Variants in ANKDD1A observed in about 807,000 individuals in gnomAD.
ANKDD1A encodes ankyrin repeat and death domain-containing protein 1A.
A neutral mutation model predicts 63.5 loss-of-function variants in ANKDD1A; 59 were observed. The ratio of observed to expected loss-of-function variants is 0.93; its 90% CI spans 0.75 to 1.15. The LOEUF (loss-of-function observed/expected upper bound fraction) is 1.15, where lower values mean the gene tolerates loss of function less well. ANKDD1A is among the 50% of genes most tolerant of loss of function. The pLI is 0.00. For synonymous variants in ANKDD1A, 266 were observed against 263.9 expected (o/e 1.01, Z -0.08); for missense variants, 632 against 656.4 (o/e 0.96, Z 0.41).
intron 1 of ANKDD1A, among the ~76,000 whole-genome samples, chr15:64,915,024 G>A (rs1321066321): frequency 1.3e-5 from 2 of 152,230 alleles, no homozygotes; most frequent in African/African-American, 4.8e-5. Flanking sequence ...ATTGGAAGAG[G>A]CTGGGCGCTG....
chr15:64,954,433 GTCGTCTTCTCCTTCT>G (rs1430031793), intron 14 of ANKDD1A, among the ~76,000 whole-genome samples: 1 of 109,948 alleles, frequency 9.1e-6, no homozygotes, highest in African/African-American at 3.4e-5. Context: ...TCCTTCGTTC[GTCGTCTTCTCCTTCT>G]TCTTCTTCCC....
At chr15:64,936,835 C>A (rs1363326242) in intron 9 of ANKDD1A, among the ~76,000 whole-genome samples, 1 of 151,622 alleles carries the variant, frequency 6.6e-6, no homozygotes, top group African/African-American at 2.4e-5. Flanking sequence ...CAGAGTGAGA[C>A]CTTATCTCTA....
At chr15:64,931,741 G>A in intron 8 of ANKDD1A, 156 bp downstream of exon 8, 2 of 740,810 alleles carry the variant, frequency 2.7e-6, no homozygotes, top group Non-Finnish European at 4.5e-6. Context: ...GCTGAGCCCT[G>A]TGACCTGGAG....
intron 3 of ANKDD1A, 83 bp from the exon 4 acceptor site, chr15:64,921,838 G>A (rs368660115): frequency 2.5e-6 from 3 of 1,184,336 alleles, no homozygotes; most frequent in Non-Finnish European, 2.5e-6. Context: ...TGGTTGTATG[G>A]TTTAGTCATA....
At chr15:64,951,133 T>G (rs1293356186) in intron 14 of ANKDD1A, 3 of 1,150,498 alleles carry the variant, frequency 2.6e-6, no homozygotes, top group Non-Finnish European at 3.3e-6. Context: ...TCCAGGTGAT[T>G]CTACTGAAAT....
chr15:64,956,252 T>TG (rs1347780312), intron 14 of ANKDD1A, among the ~76,000 whole-genome samples: 6 of 142,242 alleles, frequency 4.2e-5, no homozygotes, highest in African/African-American at 1.5e-4. Context: ...TCTTTTTTTT[T>TG]GAAACAGTTT....
chr15:64,952,020 C>A (rs2085295125), intron 14 of ANKDD1A, among the ~76,000 whole-genome samples: 1 of 145,860 alleles, frequency 6.9e-6, no homozygotes. Context: ...CATCTTCTAT[C>A]TTCTTTTTCT....
chr15:64,917,138 G>A (rs11858629), intron 2 of ANKDD1A, among the ~76,000 whole-genome samples: 51,768 of 152,052 alleles, frequency 0.34, 9,240 homozygotes, highest in East Asian at 0.66. Context: ...TATCCTGAGA[G>A]CCATGAGAAA....
intron 4 of ANKDD1A, chr15:64,922,263 G>C (rs1595847462): frequency 2.0e-6 from 1 of 501,996 alleles, no homozygotes; most frequent in South Asian, 2.5e-5. Context: ...TCAGAGGGTA[G>C]TTAGAAAAAT....
At chr15:64,949,454 G>C (rs1015756695) in intron 13 of ANKDD1A, among the ~76,000 whole-genome samples, 1 of 152,180 alleles carries the variant, frequency 6.6e-6, no homozygotes, top group Non-Finnish European at 1.5e-5. Context: ...TATCATGCAA[G>C]ACACAGATTA....
intron 6 of ANKDD1A, 52 bp from the exon 7 acceptor site, chr15:64,930,770 G>C: frequency 6.4e-7 from 1 of 1,563,878 alleles, no homozygotes; most frequent in Non-Finnish European, 8.7e-7. Flanking sequence ...ACAGGTCTGT[G>C]ATTCTGGGAC....
intron 1 of ANKDD1A, among the ~76,000 whole-genome samples, chr15:64,913,399 T>C (rs942184147): frequency 1.3e-5 from 2 of 152,152 alleles, no homozygotes; most frequent in Non-Finnish European, 2.9e-5. Context: ...GGAGGAATAA[T>C]AGTGATGATG....
At position 64,915,781 on chromosome 15, in the gene ANKDD1A, C is replaced by A. The variant is rs1216621984; in HGVS notation, c.35-16C>A. Reference sequence around the variant, plus strand: ...GCATCCTCCCCCTCATCCTGCACCCCATTTTCTCCCCACAGTGCTTCCTCT... The same window carrying A: ...GCATCCTCCCCCTCATCCTGCACCCAATTTTCTCCCCACAGTGCTTCCTCT... On this transcript the variant is annotated splice_polypyrimidine_tract_variant and intron_variant, in intron 1 of 14. Transcript: ENST00000319580. 3 of 1,611,922 alleles carry A rather than the reference C, an allele frequency of 1.9e-6. No homozygotes were observed. The highest frequency in any genetic ancestry group is 2.5e-6 in the Non-Finnish European group (3 of 1,178,426).
intron 14 of ANKDD1A, chr15:64,951,192 T>C: frequency 9.6e-7 from 1 of 1,046,366 alleles, no homozygotes; most frequent in Non-Finnish European, 1.2e-6. Context: ...ACTGATCTTT[T>C]TCATGAGGAT....
At chr15:64,934,053 T>C (rs962447162) in intron 8 of ANKDD1A, 83 bp from the exon 9 acceptor site, 7 of 1,177,706 alleles carry the variant, frequency 5.9e-6, no homozygotes, top group African/African-American at 1.5e-5. Context: ...GACACTCAAA[T>C]GGAAAAATGA....
At chr15:64,950,454 G>A in intron 14 of ANKDD1A, 1 of 985,388 alleles carries the variant, frequency 1.0e-6, no homozygotes, top group Non-Finnish European at 1.2e-6. Flanking sequence ...GGGATTCAGT[G>A]TTCTGTGGAA....
intron 9 of ANKDD1A, among the ~76,000 whole-genome samples, chr15:64,938,877 G>A (rs978084444): frequency 5.3e-5 from 8 of 151,730 alleles, no homozygotes; most frequent in East Asian, 3.9e-4. Context: ...CTCAGGAGGC[G>A]GAGGTCGCAG....
chr15:64,953,484 CCTTCTT>C lies in ANKDD1A; in HGVS notation c.1483+3516_1483+3521del, dbSNP rs145820522. ...CCTTCTTCTTCTTCCTCTTCCTTCT[CCTTCTT>C]CTTTAGTTCTTCCTCCTCTTCCTTC... On this transcript the variant is annotated intron_variant, in intron 14 of 14. Transcript: ENST00000319580. 3.6e-4 allele frequency among the ~76,000 whole-genome samples: 49 copies of C among 137,734 alleles called. 1 individual carries two copies. Among genetic ancestry groups the C allele is most frequent in the South Asian group, 9.8e-4 (4 of 4,082 alleles). 90.4% of individuals were successfully genotyped at this position (137,734 alleles called of 152,430 possible).
In ANKDD1A at chr15:64,917,589, G is replaced by A. The variant is rs1217756532; in HGVS notation, c.267+75G>A. 1.4e-5 allele frequency: 21 copies of A among 1,498,196 alleles called. No individual in the cohort carries two copies. The East Asian group carries it at 4.8e-4, about 34-fold the overall frequency. 92.8% of individuals were successfully genotyped at this position (1,498,196 alleles called of 1,614,324 possible). On this transcript the variant is annotated intron_variant, in intron 3 of 14. Transcript: ENST00000319580. ...ATCTCTCTGGGTCTATGAGCCAGTT[G>A]CCGAGATTGCTGCTAATATGCAGAC...
Sources: allele counts gnomAD v4.1 joint callset (sites outside exome capture counted in the v4.1 genomes callset), GRCh38; gene constraint gnomAD v4.1.1; transcripts MANE v1.5; gene names NCBI Gene and HGNC (gene_info 2026-07-23, HGNC 2026-07-21).